EVC: variants seen among roughly 807,000 people sequenced by gnomAD.
The protein encoded by EVC is EvC ciliary complex subunit 1.
In EVC, 116 loss-of-function variants were observed where a neutral mutation model predicts 118.9. The observed-to-expected ratio is 0.98, with a 90% CI of 0.84 to 1.14. EVC has a LOEUF of 1.14. Ranked by LOEUF, EVC falls within the 50% of genes most tolerant of loss-of-function variation. The probability of loss-of-function intolerance (pLI) is 0.00; values close to 1 mark genes in which losing one functional copy is unlikely to be tolerated. For missense variants in EVC, 1,401 were observed against 1,246.4 expected (o/e 1.12, Z -1.87); for synonymous variants, 619 against 534.7 (o/e 1.16, Z -2.18).
chr4:5,751,115 T>C lies in EVC; in HGVS notation c.1099-1721T>C, dbSNP rs115576018. On this transcript the variant is annotated intron_variant, in intron 8 of 20. Transcript: ENST00000264956. ...AGATAATGGTGAAAACAGCTGACAC[T>C]CAGGGAGGCTCACTGTTCCCTGGCC... Among the ~76,000 whole-genome samples the C allele has an allele frequency of 3.3e-3, 504 of 152,252 alleles. 1 individual carries two copies. Among genetic ancestry groups the C allele is most frequent in the African/African-American group, 0.012 (484 of 41,540 alleles).
At chr4:5,824,911 T>A in the EVC span, 1 of 985,418 alleles carries the variant, frequency 1.0e-6, no homozygotes, top group Non-Finnish European at 1.2e-6. Flanking sequence ...TCAGGAGGGA[T>A]CAGGTCAACA....
intron 11 of EVC, among the ~76,000 whole-genome samples, chr4:5,778,336 T>C (rs1243346951): frequency 1.3e-5 from 2 of 152,064 alleles, no homozygotes; most frequent in Non-Finnish European, 2.9e-5. Flanking sequence ...TGATTTATAG[T>C]CCTTTGGGTA....
At chr4:5,825,800 C>CAT in the EVC span, 8 of 770,156 alleles carry the variant, frequency 1.0e-5, no homozygotes, top group Non-Finnish European at 1.5e-5. The surrounding 1 kb of genome is among the most constrained non-coding windows in gnomAD (Gnocchi z 4.4). Flanking sequence ...AACACGCACA[C>CAT]ACGACAGGTG....
At chr4:5,783,466 C>A in intron 11 of EVC, 86 bp from the exon 12 acceptor site, 1 of 1,295,778 alleles carries the variant, frequency 7.7e-7, no homozygotes, top group Non-Finnish European at 1.1e-6. Context: ...TTGTGGGAGG[C>A]TTGTGGAGGA....
chr4:5,794,227 A>AAATATATATATT (rs1713334646), intron 13 of EVC, among the ~76,000 whole-genome samples: 2 of 107,294 alleles, frequency 1.9e-5, no homozygotes, highest in Non-Finnish European at 4.0e-5. Flanking sequence ...TATGAGAAAA[A>AAATATATATATT]TATATATATA....
At chr4:5,828,719 G>A in the EVC span, 213 of 1,595,122 alleles carry the variant, frequency 1.3e-4, 1 homozygote, top group African/African-American at 2.3e-3. Context: ...TGCCCCAAAC[G>A]AGCTGTTCAT....
At chr4:5,796,824 A>G (rs1714047858) in intron 13 of EVC, among the ~76,000 whole-genome samples, 198 bp from the exon 14 acceptor site, 1 of 151,632 alleles carries the variant, frequency 6.6e-6, no homozygotes, top group Non-Finnish European at 1.5e-5. Flanking sequence ...GATGAGGTTA[A>G]AAAGATTAAT....
At chr4:5,808,098 C>A (rs1443863892) in intron 17 of EVC, 103 bp from the exon 18 acceptor site, 2 of 993,072 alleles carry the variant, frequency 2.0e-6, no homozygotes, top group South Asian at 1.4e-5. Flanking sequence ...CCTCTTGGGG[C>A]TCCCAGGGAT....
intron 11 of EVC, among the ~76,000 whole-genome samples, chr4:5,778,212 A>C (rs367848411): frequency 0.029 from 4,415 of 149,816 alleles, 200 homozygotes; most frequent in African/African-American, 0.1. Flanking sequence ...TGTATATGTG[A>C]CACATTTTCT....
In EVC at chr4:5,720,939, C is replaced by T. The variant is rs149305093; in HGVS notation, c.300+1566C>T. 7.3e-3 allele frequency among the ~76,000 whole-genome samples: 1,115 copies of T among 152,202 alleles called. 12 individuals carry two copies. The highest frequency in any genetic ancestry group is 0.026 in the African/African-American group (1,072 of 41,526). Reference sequence around the variant, plus strand: ...TCTCCCTCCAAACACTGATTGAGCCCCTATTTGAATGTGCCCTGTGCTGTC... The same window carrying T: ...TCTCCCTCCAAACACTGATTGAGCCTCTATTTGAATGTGCCCTGTGCTGTC... On this transcript the variant is annotated intron_variant, in intron 2 of 20. Transcript: ENST00000264956.
At chr4:5,805,006 G>A (rs565789327) in intron 17 of EVC, among the ~76,000 whole-genome samples, 165 bp downstream of exon 17, 1 of 152,238 alleles carries the variant, frequency 6.6e-6, no homozygotes, top group Non-Finnish European at 1.5e-5. Context: ...TGCCCTCCAT[G>A]CAGCACCTGG....
intron 1 of EVC, among the ~76,000 whole-genome samples, chr4:5,716,360 G>T (rs1213772153): frequency 1.3e-5 from 2 of 152,240 alleles, no homozygotes; most frequent in Non-Finnish European, 2.9e-5. Context: ...GTCAGAGGTA[G>T]ATTCAAAGAT....
chr4:5,732,901 A>G (rs1418572925), intron 4 of EVC, among the ~76,000 whole-genome samples: 3 of 152,236 alleles, frequency 2.0e-5, no homozygotes, highest in Non-Finnish European at 4.4e-5. Flanking sequence ...TCCGAGCTAC[A>G]CGGGAGGCTG....
At position 5,809,054 on chromosome 4, in the gene EVC, C is replaced by A. The variant is rs116200795; in HGVS notation, c.2689-464C>A. Among the ~76,000 whole-genome samples the A allele has an allele frequency of 4.7e-3, 715 of 152,320 alleles. 5 individuals are homozygous for A. Among genetic ancestry groups the A allele is most frequent in the African/African-American group, 0.016 (651 of 41,564 alleles). The stretch of plus-strand genomic sequence containing the variant: ...CACTTTCCAACAAAAGAGGTTACTG[C>A]TACTGTCCCCATTACAGATGGACAA... On this transcript the variant is annotated intron_variant, in intron 18 of 20. Transcript: ENST00000264956.
chr4:5,795,109 C>T (rs919305757), intron 13 of EVC, among the ~76,000 whole-genome samples: 2 of 152,116 alleles, frequency 1.3e-5, no homozygotes, highest in Admixed American at 6.5e-5. Context: ...TGTATATATA[C>T]CATTTCTTTA....
Position 5,813,586 on chromosome 4 carries a change from G to A in EVC, c.*2549G>A, listed in dbSNP as rs181178072. 5 of 152,184 alleles carry A rather than the reference G, an allele frequency of 3.3e-5. No individual in the cohort carries two copies. Among genetic ancestry groups the A allele is most frequent in the African/African-American group, 1.2e-4 (5 of 41,434 alleles). The allele number at this position is 152,184 out of a possible 1,614,324, so 9.4% of individuals were successfully genotyped here. A position where few individuals can be genotyped will look rare whatever the true frequency, so the allele number is the denominator to read the frequency against. On this transcript the variant is annotated 3_prime_UTR_variant, in exon 21 of 21. Transcript: ENST00000264956. ...TCCCGGGGAAGCCTGATTTTGTGAC[G>A]TGTGTATAGTAAATGCAGGCCCTCT...
chr4:5,784,003 A>G (rs1336612155), intron 12 of EVC, among the ~76,000 whole-genome samples: 1 of 152,194 alleles, frequency 6.6e-6, no homozygotes, highest in Non-Finnish European at 1.5e-5. Flanking sequence ...GAAGAGCAGC[A>G]AAGCTTGTTC....
chr4:5,796,926 AG>A, intron 13 of EVC, 95 bp from the exon 14 acceptor site: 1 of 923,294 alleles, frequency 1.1e-6, no homozygotes. Flanking sequence ...TTCCTTTTGG[AG>A]GGGCCTCTTG....
chr4:5,748,811 T>C (rs1020346209), intron 8 of EVC, among the ~76,000 whole-genome samples: 1 of 149,934 alleles, frequency 6.7e-6, no homozygotes, highest in South Asian at 2.2e-4. Context: ...CATCCGTCTA[T>C]CCAATGAGTG....
Sources: gnomAD v4.1 joint callset for allele counts (sites outside exome capture counted in the v4.1 genomes callset) on GRCh38, gnomAD v4.1.1 for gene constraint, Gnocchi (gnomAD v3.1) non-coding constraint, MANE v1.5 for transcripts, NCBI Gene and HGNC (gene_info 2026-07-23, HGNC 2026-07-21) for gene names.